Variants in PLXDC2 observed in about 807,000 individuals in gnomAD.
The protein encoded by PLXDC2 is plexin domain containing 2, also known as plexin domain-containing protein 2.
In PLXDC2, 40 loss-of-function variants were observed where a neutral mutation model predicts 68.9. That is an observed-to-expected ratio of 0.58 (90% CI 0.45 to 0.76). The LOEUF is 0.76. Ranked by LOEUF, PLXDC2 falls within the 30% of genes least tolerant of loss-of-function variation. The pLI, the probability that PLXDC2 is intolerant of heterozygous loss-of-function variation, is 0.00. For missense variants in PLXDC2, 644 were observed against 661.9 expected, an observed-to-expected ratio of 0.97 and a Z score of 0.30; for synonymous variants, 243 against 234.2, an observed-to-expected ratio of 1.04 and a Z score of -0.34.
rs565733486 is a variant in PLXDC2 at position 19,978,500 on chromosome 10, T to C, written c.113-23275T>C. ...GTATAGAAATATTCTATACAATCTT[T>C]TTTGAAAAAGAAGATCTTCAGGTGT... is the stretch of plus-strand genomic sequence containing the variant. On this transcript the variant is annotated intron_variant, in intron 1 of 13. Transcript: ENST00000377252. Among the ~76,000 whole-genome samples, 17 of 152,328 alleles carry C rather than the reference T, an allele frequency of 1.1e-4. No homozygotes were observed. In the South Asian group the frequency reaches 3.5e-3, roughly 32 times the overall value.
rs1231863271 is a variant in PLXDC2, at chr10:20,131,274, G to A, written c.542-12021G>A. On this transcript the variant is annotated intron_variant, in intron 4 of 13. Transcript: ENST00000377252. Reference sequence around the variant, plus strand: ...CTGTTCTGTTCCGACGTGGTAATATGTATGTTTCCAGAAATTTATACACTG... The same window carrying A: ...CTGTTCTGTTCCGACGTGGTAATATATATGTTTCCAGAAATTTATACACTG... Among the ~76,000 whole-genome samples the A allele has an allele frequency of 3.3e-5, 5 of 151,266 alleles. No homozygotes were observed. The South Asian group carries it at 1.0e-3, about 31-fold the overall frequency.
intron 1 of PLXDC2, among the ~76,000 whole-genome samples, chr10:19,839,537 A>G (rs1301318331): frequency 1.3e-5 from 2 of 152,112 alleles, no homozygotes; most frequent in Non-Finnish European, 2.9e-5. Flanking sequence ...AAGTTTCATG[A>G]ATTATTAATT....
intron 1 of PLXDC2, among the ~76,000 whole-genome samples, chr10:19,910,223 G>A (rs1456003497): frequency 6.6e-6 from 1 of 150,810 alleles, no homozygotes; most frequent in Non-Finnish European, 1.5e-5. Flanking sequence ...ATTTGTACTT[G>A]TAAACCTCTT....
At chr10:20,270,225 A>C (rs1396163244) in intron 13 of PLXDC2, among the ~76,000 whole-genome samples, 1 of 152,086 alleles carries the variant, frequency 6.6e-6, no homozygotes, top group African/African-American at 2.4e-5. Flanking sequence ...AGGCTAATAC[A>C]GGAGCCATGT....
intron 1 of PLXDC2, among the ~76,000 whole-genome samples, chr10:19,966,480 G>A (rs995402149): frequency 4.5e-5 from 2 of 44,114 alleles, no homozygotes; most frequent in African/African-American, 2.1e-4. Context: ...TAGATGAGTA[G>A]ACCAATGCAG....
chr10:20,175,126 G>A (rs1834508921), intron 7 of PLXDC2, among the ~76,000 whole-genome samples: 1 of 152,144 alleles, frequency 6.6e-6, no homozygotes. Flanking sequence ...AAACTTGTAT[G>A]ATCTAAGGTT....
At chr10:20,119,701 C>G (rs1431361321) in intron 4 of PLXDC2, among the ~76,000 whole-genome samples, 1 of 151,680 alleles carries the variant, frequency 6.6e-6, no homozygotes, top group East Asian at 1.9e-4. Context: ...AGATAATGGG[C>G]GATGTTTCTC....
chr10:20,111,704 A>T (rs1833562658), intron 4 of PLXDC2, among the ~76,000 whole-genome samples: 1 of 152,190 alleles, frequency 6.6e-6, no homozygotes, highest in Admixed American at 6.5e-5. Flanking sequence ...AAATCCCAAG[A>T]TGCGAGTCTC....
chr10:20,054,865 C>A (rs1201355751), intron 3 of PLXDC2, among the ~76,000 whole-genome samples: 15 of 151,546 alleles, frequency 9.9e-5, no homozygotes, highest in East Asian at 3.9e-4. Flanking sequence ...ATAAAAAAAA[C>A]CAGATAGATG....
rs762198736 is a variant in PLXDC2, at chr10:20,286,398, ATATTT to A, written c.*6585_*6589del. Reference sequence around the variant, plus strand: ...AAAGCTTTTGATTTGGCAGATAGTGATATTTTATTTATTTTCATTCTGGTTGAAAA... The same window carrying A: ...AAAGCTTTTGATTTGGCAGATAGTGATATTTATTTTCATTCTGGTTGAAAA... On this transcript the variant is annotated 3_prime_UTR_variant, in exon 14 of 14. Transcript: ENST00000377252. 7 of 152,292 alleles carry A rather than the reference ATATTT, an allele frequency of 4.6e-5. No homozygotes were observed. The South Asian group carries it at 8.3e-4, about 18-fold the overall frequency. 9.4% of individuals were successfully genotyped at this position (152,292 alleles called of 1,614,324 possible). A position where few individuals can be genotyped will look rare whatever the true frequency, so the allele number is the denominator to read the frequency against.
At chr10:20,176,421 G>C (rs562968999) in intron 7 of PLXDC2, among the ~76,000 whole-genome samples, 4 of 75,180 alleles carry the variant, frequency 5.3e-5, no homozygotes, top group Admixed American at 4.0e-4. Context: ...TGTGTCTGTC[G>C]TGAGAACACT....
At chr10:19,954,891 C>T (rs1047563401) in intron 1 of PLXDC2, among the ~76,000 whole-genome samples, 2 of 152,110 alleles carry the variant, frequency 1.3e-5, no homozygotes, top group Admixed American at 1.3e-4. Context: ...CTTGCCCCCC[C>T]ATCCCTGTCG....
intron 1 of PLXDC2, among the ~76,000 whole-genome samples, chr10:19,946,874 C>T (rs935705179): frequency 6.6e-6 from 1 of 151,908 alleles, no homozygotes; most frequent in Non-Finnish European, 1.5e-5. Flanking sequence ...GGAGCTCAGG[C>T]GGTAATACGA....
intron 3 of PLXDC2, among the ~76,000 whole-genome samples, chr10:20,050,190 C>T (rs1315891188): frequency 1.3e-5 from 2 of 152,108 alleles, no homozygotes; most frequent in Admixed American, 6.6e-5. Flanking sequence ...CCCTTCCTTA[C>T]ACCATATACA....
intron 1 of PLXDC2, among the ~76,000 whole-genome samples, chr10:19,827,776 C>T (rs572229119): frequency 2.0e-5 from 3 of 152,240 alleles, no homozygotes; most frequent in Non-Finnish European, 4.4e-5. Flanking sequence ...CCAAGCTGGT[C>T]TCCAACTCCT....
chr10:19,916,700 A>G (rs1220454607), intron 1 of PLXDC2, among the ~76,000 whole-genome samples: 1 of 152,170 alleles, frequency 6.6e-6, no homozygotes, highest in Non-Finnish European at 1.5e-5. Context: ...ACACAGTGGT[A>G]GAGCTGCAGT....
chr10:20,242,294 T>A (rs866467038), intron 12 of PLXDC2, among the ~76,000 whole-genome samples: 21 of 152,216 alleles, frequency 1.4e-4, no homozygotes, highest in Non-Finnish European at 1.0e-4. Flanking sequence ...GTTGTGAATC[T>A]GACTGTGTAA....
intron 3 of PLXDC2, among the ~76,000 whole-genome samples, chr10:20,063,381 AAAG>A (rs1451877946): frequency 1.3e-5 from 2 of 152,220 alleles, no homozygotes; most frequent in Admixed American, 6.5e-5. Flanking sequence ...CCTAAAACAA[AAAG>A]AAGTTTTTAT....
At chr10:20,129,646 G>A (rs936119384) in intron 4 of PLXDC2, among the ~76,000 whole-genome samples, 1 of 147,772 alleles carries the variant, frequency 6.8e-6, no homozygotes. Context: ...GCAGTTTCTG[G>A]TCTCACATTT....
Sources: allele counts gnomAD v4.1 joint callset (sites outside exome capture counted in the v4.1 genomes callset), GRCh38; gene constraint gnomAD v4.1.1; transcripts MANE v1.5; gene names NCBI Gene and HGNC (gene_info 2026-07-23, HGNC 2026-07-21).